The following OXR1 variants were observed in gnomAD, a reference collection of about 807,000 sequenced individuals.
The protein encoded by OXR1 is oxidation resistance 1, also known as oxidation resistance protein 1.
A neutral mutation model predicts 104.6 loss-of-function variants in OXR1; 41 were observed. The ratio of observed to expected loss-of-function variants is 0.39; its 90% CI spans 0.31 to 0.51. The LOEUF is 0.51. Ranked by LOEUF, OXR1 falls within the 20% of genes least tolerant of loss-of-function variation. The pLI is 0.77. For missense variants in OXR1, 955 were observed against 1,031.9 expected, an observed-to-expected ratio of 0.93 and a Z score of 1.02; for synonymous variants, 348 against 348.4, an observed-to-expected ratio of 1.00 and a Z score of 0.01.
At chr8:106,587,053 A>T (rs1185622643) in intron 3 of OXR1, among the ~76,000 whole-genome samples, 2 of 152,236 alleles carry the variant, frequency 1.3e-5, no homozygotes, top group African/African-American at 2.4e-5. Flanking sequence ...TTTTATTAAG[A>T]TGAGAAAGTA....
At chr8:106,511,532 CACAT>C (rs2130041426) in intron 2 of OXR1, among the ~76,000 whole-genome samples, 1 of 122,894 alleles carries the variant, frequency 8.1e-6, no homozygotes, top group Non-Finnish European at 1.8e-5. Flanking sequence ...ACCTCACACA[CACAT>C]ACACACACAC....
At position 106,706,881 on chromosome 8, in the gene OXR1, C is replaced by T. The variant is rs868537575; in HGVS notation, c.1360C>T (p.His454Tyr). Residue 454 changes from histidine (H) to tyrosine (Y), a missense_variant, in exon 9 of 17, where the codon CAT becomes TAT. Physicochemically the swap from His to Tyr is moderately conservative, Grantham distance 83 (BLOSUM62 2). Coordinates refer to ENST00000517566, the MANE Select transcript of OXR1 (RefSeq NM_001198533.2). ...KGNSDQDSFL[H>Y]ENSLHQEESQ... ...TAATTCAGACCAGGATTCTTTTCTT[C>T]ATGAGAATTCGTTACACCAAGAAGA... 5.6e-6 allele frequency: 9 copies of T among 1,611,406 alleles called. No homozygotes were observed. In the African/African-American group the frequency reaches 1.2e-4, roughly 22 times the overall value.
chr8:106,292,611 A>G (rs1812802298), intron 1 of OXR1, among the ~76,000 whole-genome samples: 2 of 152,192 alleles, frequency 1.3e-5, no homozygotes, highest in South Asian at 4.1e-4. Context: ...AAGAGGGACT[A>G]CTGTACATAA....
At chr8:106,734,304 CT>C (rs1389955142) in intron 11 of OXR1, among the ~76,000 whole-genome samples, 1 of 152,120 alleles carries the variant, frequency 6.6e-6, no homozygotes, top group Non-Finnish European at 1.5e-5. Context: ...AGAACAACGG[CT>C]TATGTGACTT....
intron 2 of OXR1, chr8:106,447,845 C>T: frequency 1.4e-6 from 2 of 1,416,676 alleles, no homozygotes; most frequent in Non-Finnish European, 1.8e-6. Context: ...ATTTGGGTCT[C>T]TTTTTGCCTT....
chr8:106,491,080 T>C (rs935193142), intron 2 of OXR1, among the ~76,000 whole-genome samples: 8 of 152,234 alleles, frequency 5.3e-5, no homozygotes, highest in African/African-American at 1.9e-4. Flanking sequence ...TTTTCAGATC[T>C]GCTTCCTCGA....
At chr8:106,489,639 T>G (rs1490332404) in intron 2 of OXR1, among the ~76,000 whole-genome samples, 3 of 152,152 alleles carry the variant, frequency 2.0e-5, no homozygotes, top group Non-Finnish European at 2.9e-5. Context: ...CACAAAATAT[T>G]TATATGTATT....
rs148049476 is a variant in OXR1, at chr8:106,490,343, TTTGA to T, written c.24-28573_24-28570del. Among the ~76,000 whole-genome samples the T allele has an allele frequency of 9.4e-4, 142 of 151,746 alleles. 1 individual carries two copies. The highest frequency in any genetic ancestry group is 2.7e-3 in the African/African-American group (110 of 41,302). On this transcript the variant is annotated intron_variant, in intron 2 of 16. Transcript: ENST00000517566. ...TTGTGGAAGGTAGGAGGATGCGGTA[TTTGA>T]TTGATTGATTGATTGATTGATTGAT...
chr8:106,319,518 G>T (rs1484538052), intron 1 of OXR1, among the ~76,000 whole-genome samples: 1 of 152,164 alleles, frequency 6.6e-6, no homozygotes, highest in Non-Finnish European at 1.5e-5. Context: ...AGCTCTTTTG[G>T]TCTAGAAGAG....
intron 3 of OXR1, among the ~76,000 whole-genome samples, chr8:106,605,714 A>T (rs199749247): frequency 6.6e-6 from 1 of 151,668 alleles, no homozygotes; most frequent in East Asian, 1.9e-4. Context: ...TGGGAGAATC[A>T]CATGAACCCG....
chr8:106,299,828 A>C (rs1813155360), intron 1 of OXR1, among the ~76,000 whole-genome samples: 1 of 140,016 alleles, frequency 7.1e-6, no homozygotes, highest in Admixed American at 6.9e-5. Flanking sequence ...AGTTAATTTT[A>C]GATAAAAAAC....
intron 2 of OXR1, among the ~76,000 whole-genome samples, chr8:106,402,852 G>A (rs568175004): frequency 3.3e-5 from 5 of 151,434 alleles, no homozygotes; most frequent in South Asian, 2.1e-4. Flanking sequence ...ACAGAATCTC[G>A]CTCTGTCGCC....
intron 3 of OXR1, among the ~76,000 whole-genome samples, chr8:106,541,765 T>G (rs1436663430): frequency 1.3e-5 from 2 of 152,070 alleles, no homozygotes; most frequent in African/African-American, 4.8e-5. Flanking sequence ...GATTTAACAC[T>G]GAGTGGTTAA....
chr8:106,625,717 C>T (rs1163540972), intron 3 of OXR1, among the ~76,000 whole-genome samples: 1 of 152,130 alleles, frequency 6.6e-6, no homozygotes, highest in African/African-American at 2.4e-5. Flanking sequence ...CTCGCTTAGC[C>T]ATCTTAGTCA....
intron 2 of OXR1, among the ~76,000 whole-genome samples, chr8:106,452,493 A>G (rs904754823): frequency 6.6e-6 from 1 of 152,192 alleles, no homozygotes; most frequent in Non-Finnish European, 1.5e-5. Context: ...CTTTACCAAA[A>G]ATTAAAAATC....
intron 1 of OXR1, among the ~76,000 whole-genome samples, chr8:106,317,705 T>A (rs1814028589): frequency 6.6e-6 from 1 of 152,028 alleles, no homozygotes; most frequent in Admixed American, 6.6e-5. Context: ...CTTGAGGATC[T>A]GACTGACATA....
intron 3 of OXR1, among the ~76,000 whole-genome samples, chr8:106,642,679 AAAG>A (rs1823753646): frequency 6.6e-6 from 1 of 152,208 alleles, no homozygotes; most frequent in Non-Finnish European, 1.5e-5. Flanking sequence ...TGCCCAGAAA[AAAG>A]AAGAATCAGG....
intron 3 of OXR1, among the ~76,000 whole-genome samples, chr8:106,562,447 G>A (rs886451519): frequency 6.6e-6 from 1 of 152,042 alleles, no homozygotes; most frequent in Non-Finnish European, 1.5e-5. Context: ...AATGAACAAA[G>A]CCTCCTAGAA....
chr8:106,333,949 T>A (rs956747437), intron 1 of OXR1, among the ~76,000 whole-genome samples: 3 of 152,168 alleles, frequency 2.0e-5, no homozygotes, highest in Non-Finnish European at 4.4e-5. Context: ...CTGGGTCCCT[T>A]GGATTTTCAT....
Sources: gnomAD v4.1 joint callset for allele counts (sites outside exome capture counted in the v4.1 genomes callset) on GRCh38, gnomAD v4.1.1 for gene constraint, MANE v1.5 for transcripts, NCBI Gene and HGNC (gene_info 2026-07-23, HGNC 2026-07-21) for gene names.